Variants in DGKB observed in about 807,000 individuals in gnomAD.
DGKB encodes diacylglycerol kinase beta, also known as 90 kDa diacylglycerol kinase.
Under a neutral mutation model 114.3 loss-of-function variants are expected in DGKB, and 67 were observed. The observed-to-expected ratio is 0.59, with a 90% CI of 0.48 to 0.72. The LOEUF (loss-of-function observed/expected upper bound fraction) is 0.72, where lower values mean the gene tolerates loss of function less well. Ranked by LOEUF, DGKB falls within the 30% of genes least tolerant of loss-of-function variation. DGKB has a pLI of 0.00. For synonymous variants in DGKB, 398 were observed against 323.1 expected (o/e 1.23, Z -2.49); for missense variants, 907 against 975.2 (o/e 0.93, Z 0.93).
In DGKB at chr7:14,757,581, C is replaced by T. The variant is rs571823759; in HGVS notation, c.147+74G>A. 557 of 849,352 alleles carry T rather than the reference C, an allele frequency of 6.6e-4. 8 individuals carry two copies. In the South Asian group the frequency reaches 8.1e-3, roughly 12 times the overall value. 52.6% of individuals were successfully genotyped at this position (849,352 alleles called of 1,614,324 possible). The stretch of plus-strand genomic sequence containing the variant: ...ACACACACACACACATACATTTTTC[C>T]AAGAATTGTTTATTAAGAAATACCC... On this transcript the variant is annotated intron_variant, in intron 3 of 25. Transcript: ENST00000402815.
Position 14,356,333 on chromosome 7 carries a change from T to C in DGKB, c.1836-10942A>G, listed in dbSNP as rs907514254. On this transcript the variant is annotated intron_variant, in intron 21 of 25. Coordinates refer to ENST00000402815, the MANE Select transcript of DGKB (RefSeq NM_001350709.2). ...CCTTCTGTTAGCTTTCCAATTTGTT[T>C]GCTCTTGCTTCTCTAGTTCTTTTTT... Among the ~76,000 whole-genome samples the C allele has an allele frequency of 1.6e-4, 24 of 151,062 alleles. 1 individual carries two copies. In the East Asian group the frequency reaches 2.9e-3, roughly 18 times the overall value.
At chr7:14,285,910 T>C (rs551211199) in intron 23 of DGKB, among the ~76,000 whole-genome samples, 27 of 152,240 alleles carry the variant, frequency 1.8e-4, no homozygotes, top group African/African-American at 6.0e-4. Flanking sequence ...CTTAAAAAAA[T>C]ACAAAGAAAA....
chr7:14,363,656 G>C (rs1329541292), intron 21 of DGKB, among the ~76,000 whole-genome samples: 2 of 152,056 alleles, frequency 1.3e-5, no homozygotes, highest in East Asian at 3.9e-4. Context: ...GGAGGATACA[G>C]TTAGTAGCAG....
At chr7:14,685,136 A>G in intron 10 of DGKB, 109 bp downstream of exon 10, 1 of 675,504 alleles carries the variant, frequency 1.5e-6, no homozygotes, top group Non-Finnish European at 2.6e-6. Context: ...ACATGTACAG[A>G]GACAGTCCAG....
intron 2 of DGKB, among the ~76,000 whole-genome samples, chr7:14,823,023 T>C (rs1052126961): frequency 1.1e-4 from 17 of 151,928 alleles, no homozygotes; most frequent in Non-Finnish European, 1.9e-4. Context: ...CTATTGTAAA[T>C]AGTACTTTTA....
chr7:14,154,692 AAAAC>A lies in DGKB; in HGVS notation c.2305-5458_2305-5455del, dbSNP rs541912584. The stretch of plus-strand genomic sequence containing the variant: ...ATACCTAAAACTAATCCATAAAAAA[AAAAC>A]AAACAAACAACAAAGCGTATTTCCA... On this transcript the variant is annotated intron_variant, in intron 25 of 25. Transcript: ENST00000402815. Among the ~76,000 whole-genome samples the A allele has an allele frequency of 2.8e-4, 42 of 152,120 alleles. 1 individual carries two copies. The South Asian group carries it at 2.9e-3, about 11-fold the overall frequency.
intron 13 of DGKB, among the ~76,000 whole-genome samples, chr7:14,656,977 A>C (rs966455410): frequency 1.3e-5 from 2 of 151,784 alleles, no homozygotes; most frequent in African/African-American, 4.8e-5. Flanking sequence ...GTCAGAAAGC[A>C]ACAGCACACA....
At chr7:14,721,291 C>G (rs943085866) in intron 5 of DGKB, among the ~76,000 whole-genome samples, 1 of 152,152 alleles carries the variant, frequency 6.6e-6, no homozygotes, top group Non-Finnish European at 1.5e-5. Context: ...ATACTGAACA[C>G]AAACAATTGA....
chr7:14,372,955 A>G (rs549293771), intron 21 of DGKB, among the ~76,000 whole-genome samples: 2 of 152,262 alleles, frequency 1.3e-5, no homozygotes, highest in Non-Finnish European at 2.9e-5. Context: ...AGGTGGGAGT[A>G]TATCTCCTGG....
At chr7:14,186,141 G>T (rs931225493) in intron 23 of DGKB, among the ~76,000 whole-genome samples, 5 of 152,040 alleles carry the variant, frequency 3.3e-5, no homozygotes, top group African/African-American at 2.4e-5. Context: ...CTAATAACCA[G>T]AATCTACAAG....
chr7:14,771,055 A>C (rs1351509024), intron 2 of DGKB, among the ~76,000 whole-genome samples: 3 of 152,086 alleles, frequency 2.0e-5, no homozygotes, highest in Non-Finnish European at 4.4e-5. Flanking sequence ...ATTGGGGTCT[A>C]AATGAACTCC....
At chr7:14,187,876 A>C (rs1783679072) in intron 23 of DGKB, among the ~76,000 whole-genome samples, 1 of 152,226 alleles carries the variant, frequency 6.6e-6, no homozygotes, top group Non-Finnish European at 1.5e-5. Flanking sequence ...TAATATCTGA[A>C]AAATAAATTC....
chr7:14,737,983 T>C (rs1832001392), intron 4 of DGKB, among the ~76,000 whole-genome samples: 1 of 151,656 alleles, frequency 6.6e-6, no homozygotes, highest in Admixed American at 6.6e-5. Flanking sequence ...ATGTGAAGAA[T>C]AGCCTCAGGT....
In DGKB at chr7:14,694,086, C is replaced by T. The variant is rs1339159511; in HGVS notation, c.700G>A (p.Gly234Ser). 1 of 1,587,814 alleles carries T rather than the reference C, an allele frequency of 6.3e-7. No individual in the cohort carries two copies. The highest frequency in any genetic ancestry group is 8.6e-7 in the Non-Finnish European group (1 of 1,165,214). ...GTGGAAATGCTTACATTTTCTAAGC[C>T]CAGGAGCACAAGAAGTGGAATCGTT... ...MTTIPLLVLL[G>S]LENNVKDDGQ... Residue 234 changes from glycine (G) to serine (S), a missense_variant, in exon 9 of 26, where the codon GGC becomes AGC. Around this residue, in one of 3 missense-constraint regions of DGKB, gnomAD observed 814 missense variants for 856.6 expected, o/e 0.95. Transcript: ENST00000402815.
chr7:14,883,624 T>A (rs1300953822), intron 1 of DGKB, among the ~76,000 whole-genome samples: 1 of 151,972 alleles, frequency 6.6e-6, no homozygotes, highest in African/African-American at 2.4e-5. Flanking sequence ...TGGTTTTGTA[T>A]TAACCACTGT....
At chr7:14,635,934 G>A (rs981991078) in intron 13 of DGKB, among the ~76,000 whole-genome samples, 21 of 151,426 alleles carry the variant, frequency 1.4e-4, no homozygotes, top group African/African-American at 5.1e-4. Context: ...TACAAATATA[G>A]CACTATAGGT....
At chr7:14,565,095 ATTC>A (rs1409623245) in intron 20 of DGKB, among the ~76,000 whole-genome samples, 39 of 152,186 alleles carry the variant, frequency 2.6e-4, no homozygotes, top group African/African-American at 9.2e-4. Flanking sequence ...GTTATGTGAT[ATTC>A]TTTGGCTAAT....
chr7:14,268,690 G>GA (rs1797867819), intron 23 of DGKB, among the ~76,000 whole-genome samples: 1 of 152,078 alleles, frequency 6.6e-6, no homozygotes, highest in Admixed American at 6.5e-5. Flanking sequence ...AAGGAAGCAG[G>GA]TATATCTTAT....
intron 23 of DGKB, among the ~76,000 whole-genome samples, chr7:14,330,748 T>C (rs539008392): frequency 6.6e-6 from 1 of 152,068 alleles, no homozygotes; most frequent in Admixed American, 6.6e-5. Flanking sequence ...AAAATATTAT[T>C]CATATTTCTA....
Sources: gnomAD v4.1 joint callset for allele counts (sites outside exome capture counted in the v4.1 genomes callset) on GRCh38, gnomAD v4.1.1 for gene constraint, gnomAD v4.1.1 regional missense constraint, MANE v1.5 for transcripts, NCBI Gene and HGNC (gene_info 2026-07-23, HGNC 2026-07-21) for gene names.